Variants in EFNA5 observed in about 807,000 individuals in gnomAD.
EFNA5 encodes ephrin A5, also known as ephrin-A5.
In EFNA5, 5 loss-of-function variants were observed where a neutral mutation model predicts 22.9. The observed-to-expected ratio is 0.22, with a 90% CI of 0.11 to 0.46. The LOEUF is 0.46. Among genes scored for constraint, EFNA5 ranks in the 20% least tolerant of loss-of-function variants. The probability of loss-of-function intolerance (pLI) is 0.99; values close to 1 mark genes in which losing one functional copy is unlikely to be tolerated. For missense variants in EFNA5, 237 were observed against 293.3 expected (o/e 0.81, Z 1.40); for synonymous variants, 113 against 112.2 (o/e 1.01, Z -0.04).
chr5:107,588,527 A>C (rs1490985888), intron 1 of EFNA5, among the ~76,000 whole-genome samples: 4 of 152,228 alleles, frequency 2.6e-5, no homozygotes, highest in Non-Finnish European at 4.4e-5. Flanking sequence ...GCTCCACAGC[A>C]GAGAGATTAT....
At chr5:107,446,735 C>T (rs910465980) in intron 1 of EFNA5, among the ~76,000 whole-genome samples, 3 of 150,656 alleles carry the variant, frequency 2.0e-5, no homozygotes, top group African/African-American at 7.4e-5. Flanking sequence ...GCCTGGGTGA[C>T]AAAAAACTTT....
intron 1 of EFNA5, among the ~76,000 whole-genome samples, chr5:107,628,297 T>C (rs2112534101): frequency 6.6e-6 from 1 of 152,316 alleles, no homozygotes; most frequent in South Asian, 2.1e-4. Context: ...ATGCTCTATA[T>C]TACCAGCACC....
intron 1 of EFNA5, among the ~76,000 whole-genome samples, chr5:107,511,811 C>A (rs251957): frequency 1 from 151,660 of 152,208 alleles, 75,559 homozygotes; most frequent in Middle Eastern, 1. Flanking sequence ...TTAAAAAAAA[C>A]CTGACTAATA....
At chr5:107,468,813 T>C (rs1750061922) in intron 1 of EFNA5, among the ~76,000 whole-genome samples, 1 of 152,018 alleles carries the variant, frequency 6.6e-6, no homozygotes, top group East Asian at 1.9e-4. Flanking sequence ...AAATAGGCCA[T>C]ACAGGTTATT....
At chr5:107,608,288 A>G (rs571827351) in intron 1 of EFNA5, among the ~76,000 whole-genome samples, 1 of 152,300 alleles carries the variant, frequency 6.6e-6, no homozygotes, top group African/African-American at 2.4e-5. Context: ...TGTGATTCAC[A>G]TTGTACCTCC....
intron 1 of EFNA5, among the ~76,000 whole-genome samples, chr5:107,542,562 G>A (rs554748172): frequency 6.6e-5 from 10 of 151,682 alleles, no homozygotes; most frequent in South Asian, 2.1e-4. Flanking sequence ...TAAGGGGGGG[G>A]TGCGGGGAGG....
At chr5:107,589,226 A>T (rs541054449) in intron 1 of EFNA5, among the ~76,000 whole-genome samples, 2 of 152,344 alleles carry the variant, frequency 1.3e-5, no homozygotes, top group East Asian at 3.9e-4. Flanking sequence ...CTGAATTAAG[A>T]TAACTACAAA....
chr5:107,632,844 A>C (rs957887758), intron 1 of EFNA5, among the ~76,000 whole-genome samples: 2 of 152,208 alleles, frequency 1.3e-5, no homozygotes, highest in Non-Finnish European at 2.9e-5. Context: ...ATATTTTCCT[A>C]ATCTACTAAT....
chr5:107,489,106 T>C (rs1746728261), intron 1 of EFNA5, among the ~76,000 whole-genome samples: 1 of 152,192 alleles, frequency 6.6e-6, no homozygotes. Flanking sequence ...AGGTTATCAA[T>C]AAGTTAACTA....
At chr5:107,572,121 G>A (rs985491325) in intron 1 of EFNA5, among the ~76,000 whole-genome samples, 2 of 152,092 alleles carry the variant, frequency 1.3e-5, no homozygotes, top group Non-Finnish European at 2.9e-5. Context: ...AAAAAGGACA[G>A]CCCGGCAGAG....
chr5:107,558,550 T>A (rs895784637), intron 1 of EFNA5, among the ~76,000 whole-genome samples: 78 of 152,210 alleles, frequency 5.1e-4, no homozygotes, highest in African/African-American at 1.7e-3. Context: ...CTCTGCTATT[T>A]TATTATCCTT....
intron 1 of EFNA5, among the ~76,000 whole-genome samples, chr5:107,506,621 T>G (rs1310404803): frequency 6.6e-6 from 1 of 151,934 alleles, no homozygotes; most frequent in African/African-American, 2.4e-5. Flanking sequence ...GTGTGGAGGG[T>G]GGGCAGCCCA....
At chr5:107,476,575 T>C (rs1750315652) in intron 1 of EFNA5, among the ~76,000 whole-genome samples, 1 of 152,262 alleles carries the variant, frequency 6.6e-6, no homozygotes, top group African/African-American at 2.4e-5. Context: ...ACCAGTTCAA[T>C]AGGGATATCT....
intron 1 of EFNA5, among the ~76,000 whole-genome samples, chr5:107,443,732 G>A (rs1486940481): frequency 6.6e-6 from 1 of 152,104 alleles, no homozygotes; most frequent in African/African-American, 2.4e-5. Flanking sequence ...AAAGGGGAGG[G>A]AGAGCATTAG....
At chr5:107,584,939 G>A (rs573113098) in intron 1 of EFNA5, among the ~76,000 whole-genome samples, 36 of 152,314 alleles carry the variant, frequency 2.4e-4, no homozygotes, top group African/African-American at 7.0e-4. Flanking sequence ...TGGTCACAAC[G>A]TAGCAAGTCT....
In EFNA5 at chr5:107,542,298, T is replaced by C. The variant is rs1468612742; in HGVS notation, c.126-114789A>G. Among the ~76,000 whole-genome samples the C allele has an allele frequency of 2.6e-5, 4 of 152,282 alleles. No individual in the cohort carries two copies. The East Asian group carries it at 7.7e-4, about 29-fold the overall frequency. On this transcript the variant is annotated intron_variant, in intron 1 of 4. Coordinates refer to ENST00000333274, the MANE Select transcript of EFNA5 (RefSeq NM_001962.3). ...GTACTGAAAGGAAACTGTCAAAGAA[T>C]AAAAAGTCAACTCTGCTAAGAGTTC...
intron 1 of EFNA5, among the ~76,000 whole-genome samples, chr5:107,465,130 A>G (rs1298371959): frequency 1.3e-5 from 2 of 151,794 alleles, no homozygotes; most frequent in East Asian, 3.9e-4. Flanking sequence ...CCTTAGGCCA[A>G]TGGTTACCAA....
At chr5:107,537,037 G>GGAGGTTGCAGTGAGCCGACATCGT (rs1747944861) in intron 1 of EFNA5, among the ~76,000 whole-genome samples, 1 of 151,364 alleles carries the variant, frequency 6.6e-6, no homozygotes, top group African/African-American at 2.4e-5. Context: ...CCCAGGAGGC[G>GGAGGTTGCAGTGAGCCGACATCGT]GAGGTTGCAG....
At chr5:107,472,668 C>T (rs1750170534) in intron 1 of EFNA5, among the ~76,000 whole-genome samples, 1 of 152,178 alleles carries the variant, frequency 6.6e-6, no homozygotes. Context: ...TCAGACTGTG[C>T]AACAGGATCC....
Sources: gnomAD v4.1 joint callset for allele counts (sites outside exome capture counted in the v4.1 genomes callset) on GRCh38, gnomAD v4.1.1 for gene constraint, MANE v1.5 for transcripts, NCBI Gene and HGNC (gene_info 2026-07-23, HGNC 2026-07-21) for gene names.